The following PCDHA1 variants were observed in gnomAD, a reference collection of about 807,000 sequenced individuals.
The protein encoded by PCDHA1 is protocadherin alpha 1.
PCDHA1 carries 42 observed loss-of-function variants against 61.3 expected under a neutral mutation model. The observed-to-expected ratio is 0.69, with a 90% CI of 0.54 to 0.89. The LOEUF (loss-of-function observed/expected upper bound fraction) is 0.89. Ranked by LOEUF, PCDHA1 falls within the 40% of genes least tolerant of loss-of-function variation. The pLI is 0.00. For missense variants in PCDHA1, 1,256 were observed against 1,235.3 expected, an observed-to-expected ratio of 1.02 and a Z score of -0.25; for synonymous variants, 610 against 553.8, an observed-to-expected ratio of 1.10 and a Z score of -1.43.
intron 1 of PCDHA1, chr5:140,875,958 C>T (rs1312300687): frequency 1.2e-6 from 2 of 1,613,962 alleles, no homozygotes; most frequent in Admixed American, 3.3e-5. Context: ...ATGCGGATAT[C>T]GGCGTAAACT....
At chr5:140,801,335 C>T (rs782420366) in intron 1 of PCDHA1, 2 of 1,613,244 alleles carry the variant, frequency 1.2e-6, no homozygotes, top group Non-Finnish European at 8.5e-7. Flanking sequence ...CCTTCGTGGG[C>T]CGCATCGCGC....
intron 1 of PCDHA1, among the ~76,000 whole-genome samples, chr5:140,955,336 T>G (rs1294171389): frequency 1.3e-5 from 2 of 152,144 alleles, no homozygotes; most frequent in African/African-American, 2.4e-5. Context: ...GTTCCCATAA[T>G]CCCCACATGT....
rs1554136884 is a variant in PCDHA1, at chr5:140,838,094, G to A, written c.2394+49410G>A. 2.8e-5 allele frequency among the ~76,000 whole-genome samples: 4 copies of A among 144,632 alleles called. 1 individual carries two copies. The highest frequency in any genetic ancestry group is 1.0e-4 in the African/African-American group (4 of 38,254). 94.9% of individuals were successfully genotyped at this position (144,632 alleles called of 152,430 possible). A position where few individuals can be genotyped will look rare whatever the true frequency, so the allele number is the denominator to read the frequency against. On this transcript the variant is annotated intron_variant, in intron 1 of 3. Transcript: ENST00000504120. ...ATATATATAGTGTGTGTGTGTGTGTGTGTGTGTGTGTGTGTGTGTGTGTGT... is the reference window on the plus strand; with the variant it reads ...ATATATATAGTGTGTGTGTGTGTGTATGTGTGTGTGTGTGTGTGTGTGTGT...
At position 140,842,829 on chromosome 5, in the gene PCDHA1, C is replaced by T. The variant is rs2150345601; in HGVS notation, c.2394+54145C>T. On this transcript the variant is annotated intron_variant, in intron 1 of 3. Transcript: ENST00000504120. Reference sequence around the variant, plus strand: ...GTGGAGCGGCGGGTGGGCGAGCGCTCGCTGTCGAGCTACATTTCGGTGCAC... The same window carrying T: ...GTGGAGCGGCGGGTGGGCGAGCGCTTGCTGTCGAGCTACATTTCGGTGCAC... 6.9e-5 allele frequency: 110 copies of T among 1,593,636 alleles called. 11 individuals carry two copies. The highest frequency in any genetic ancestry group is 9.4e-5 in the Non-Finnish European group (109 of 1,165,332).
intron 1 of PCDHA1, among the ~76,000 whole-genome samples, chr5:140,895,468 CCT>C (rs2065019844): frequency 6.6e-6 from 1 of 152,130 alleles, no homozygotes; most frequent in Non-Finnish European, 1.5e-5. Flanking sequence ...ATTTCTTTAT[CCT>C]CTTCGGAGAA....
intron 1 of PCDHA1, chr5:140,835,068 C>T: frequency 8.3e-7 from 1 of 1,210,660 alleles, no homozygotes; most frequent in Non-Finnish European, 1.1e-6. Flanking sequence ...CGTTCAATTA[C>T]TCATCACGGT....
intron 1 of PCDHA1, chr5:140,841,424 G>A: frequency 6.2e-7 from 1 of 1,612,920 alleles, no homozygotes; most frequent in Non-Finnish European, 8.5e-7. Context: ...CCACTACTCC[G>A]TCCCCGAGGA....
At chr5:140,992,044 T>A (rs1160444128) in intron 3 of PCDHA1, among the ~76,000 whole-genome samples, 1 of 151,788 alleles carries the variant, frequency 6.6e-6, no homozygotes, top group African/African-American at 2.4e-5. Flanking sequence ...TGTGTGTGTG[T>A]GTGTGTGTGT....
At chr5:141,009,389 G>A (rs1234679148) in intron 3 of PCDHA1, among the ~76,000 whole-genome samples, 1 of 152,178 alleles carries the variant, frequency 6.6e-6, no homozygotes, top group Non-Finnish European at 1.5e-5. Context: ...AGCACAGGAG[G>A]TCGAGGCTGC....
chr5:140,805,437 T>G (rs930579494), intron 1 of PCDHA1: 5 of 1,050,890 alleles, frequency 4.8e-6, no homozygotes, highest in Non-Finnish European at 5.7e-6. Context: ...GTTTTGGTTT[T>G]TGTGTGTGTG....
chr5:140,817,885 G>C (rs1401548186), intron 1 of PCDHA1, among the ~76,000 whole-genome samples: 16 of 152,082 alleles, frequency 1.1e-4, no homozygotes, highest in Admixed American at 1.0e-3. Context: ...AGTTATTTTT[G>C]CCAGCACTTT....
intron 1 of PCDHA1, chr5:140,834,869 C>G: frequency 6.2e-7 from 1 of 1,609,230 alleles, no homozygotes. Context: ...ATGCAGATAT[C>G]GGGGAGAACG....
chr5:140,898,079 C>G (rs1179252797), intron 1 of PCDHA1, among the ~76,000 whole-genome samples: 2 of 151,984 alleles, frequency 1.3e-5, no homozygotes, highest in East Asian at 1.9e-4. Context: ...ATTGTAGATT[C>G]TGGATATTAG....
chr5:140,877,831 C>T (rs1226856696), intron 1 of PCDHA1: 5 of 1,592,698 alleles, frequency 3.1e-6, no homozygotes, highest in Non-Finnish European at 4.3e-6. Context: ...TTTAAATCCT[C>T]CCAGTGAAGT....
In PCDHA1 at chr5:140,822,649, T is replaced by C. The variant is rs2150118201; in HGVS notation, c.2394+33965T>C. 1.9e-6 allele frequency: 3 copies of C among 1,609,918 alleles called. No homozygotes were observed. In the South Asian group the frequency reaches 3.3e-5, roughly 18 times the overall value. ...TGTTCTTGACGATGTAAAGTCCAAATTTATAATTAATTCTAATACTGGTGA... is the reference window on the plus strand; with the variant it reads ...TGTTCTTGACGATGTAAAGTCCAAACTTATAATTAATTCTAATACTGGTGA... On this transcript the variant is annotated intron_variant, in intron 1 of 3. Transcript: ENST00000504120.
At chr5:140,937,658 A>T (rs1045534345) in intron 1 of PCDHA1, among the ~76,000 whole-genome samples, 2 of 151,280 alleles carry the variant, frequency 1.3e-5, no homozygotes, top group Non-Finnish European at 2.9e-5. Flanking sequence ...CACGCCTGTA[A>T]TCCCAGCACT....
chr5:140,985,488 A>G (rs1554247116), intron 3 of PCDHA1, among the ~76,000 whole-genome samples: 1 of 152,156 alleles, frequency 6.6e-6, no homozygotes, highest in Non-Finnish European at 1.5e-5. Flanking sequence ...CCAGACTCAA[A>G]TAGAGCCTGC....
At chr5:140,909,966 G>C (rs1583724116) in intron 1 of PCDHA1, among the ~76,000 whole-genome samples, 1 of 152,202 alleles carries the variant, frequency 6.6e-6, no homozygotes, top group African/African-American at 2.4e-5. Flanking sequence ...TCTCCATGGG[G>C]AAGGATGGGA....
At chr5:140,813,809 A>G (rs904755063) in intron 1 of PCDHA1, 3 of 152,296 alleles carry the variant, frequency 2.0e-5, no homozygotes, top group Non-Finnish European at 4.4e-5. Context: ...CAGCCTGGGC[A>G]ATATAGTGAG....
Sources: gnomAD v4.1 joint callset for allele counts (sites outside exome capture counted in the v4.1 genomes callset) on GRCh38, gnomAD v4.1.1 for gene constraint, MANE v1.5 for transcripts, NCBI Gene and HGNC (gene_info 2026-07-23, HGNC 2026-07-21) for gene names.